Variants in DPF3 observed in about 807,000 individuals in gnomAD.
The protein encoded by DPF3 is double PHD fingers 3.
Under a neutral mutation model 56.8 loss-of-function variants are expected in DPF3, and 18 were observed. That is an observed-to-expected ratio of 0.32 (90% CI 0.22 to 0.47). DPF3 has a LOEUF of 0.47. Ranked by LOEUF, DPF3 falls within the 20% of genes least tolerant of loss-of-function variation. DPF3 has a pLI of 1.00. For synonymous variants in DPF3, 188 were observed against 180.2 expected, an observed-to-expected ratio of 1.04 and a Z score of -0.35; for missense variants, 403 against 488.8, an observed-to-expected ratio of 0.82 and a Z score of 1.65.
chr14:72,781,301 T>C (rs1488289555), intron 1 of DPF3, among the ~76,000 whole-genome samples: 1 of 152,152 alleles, frequency 6.6e-6, no homozygotes, highest in East Asian at 1.9e-4. Flanking sequence ...TCAAGGCAAA[T>C]GTATGAAGAT....
chr14:72,865,719 A>G (rs558722494), intron 1 of DPF3, among the ~76,000 whole-genome samples: 1 of 152,306 alleles, frequency 6.6e-6, no homozygotes, highest in East Asian at 1.9e-4. Context: ...GGTCTCATAT[A>G]TCGATGAAGC....
At chr14:72,782,329 T>C (rs1436974490) in intron 1 of DPF3, among the ~76,000 whole-genome samples, 2 of 151,402 alleles carry the variant, frequency 1.3e-5, no homozygotes, top group African/African-American at 4.9e-5. Flanking sequence ...ATTCAAGCAA[T>C]CCTCCCACCT....
rs541713424 is a variant in DPF3, at chr14:72,674,738, C to A, written c.743-370G>T. Among the ~76,000 whole-genome samples the A allele has an allele frequency of 5.9e-5, 9 of 152,354 alleles. No homozygotes were observed. In the East Asian group the frequency reaches 1.7e-3, roughly 29 times the overall value. On this transcript the variant is annotated intron_variant, in intron 7 of 10. Coordinates refer to ENST00000556509, the MANE Select transcript of DPF3 (RefSeq NM_001280542.3). ...CCAGGCCCCAGGCATCAGATGGAAA[C>A]CACACACCATGGTGTGAGGACAGGG...
intron 7 of DPF3, among the ~76,000 whole-genome samples, chr14:72,685,635 T>C (rs1385154355): frequency 6.6e-6 from 1 of 152,256 alleles, no homozygotes; most frequent in African/African-American, 2.4e-5. Context: ...GGTCTTTGTG[T>C]GCCTTGCTGT....
At chr14:72,850,472 A>G (rs1884936764) in intron 1 of DPF3, among the ~76,000 whole-genome samples, 1 of 152,216 alleles carries the variant, frequency 6.6e-6, no homozygotes. Context: ...CAGATCTCCA[A>G]GTGAGTTCAT....
intron 1 of DPF3, among the ~76,000 whole-genome samples, chr14:72,854,407 G>T (rs1469576757): frequency 6.6e-6 from 1 of 152,062 alleles, no homozygotes; most frequent in African/African-American, 2.4e-5. Context: ...TTCTCTTAAA[G>T]AATGAATTTT....
intron 7 of DPF3, among the ~76,000 whole-genome samples, chr14:72,678,593 T>A (rs1308986611): frequency 6.6e-6 from 1 of 152,202 alleles, no homozygotes; most frequent in Non-Finnish European, 1.5e-5. Context: ...GTATATGAGA[T>A]CATTATAAAA....
chr14:72,752,214 C>T (rs1339273898), intron 3 of DPF3, among the ~76,000 whole-genome samples: 1 of 152,188 alleles, frequency 6.6e-6, no homozygotes, highest in Non-Finnish European at 1.5e-5. Context: ...ACTTGCACCA[C>T]TGAACAGCAC....
chr14:72,737,672 CGAGTTTGCAA>C (rs1356068333), intron 3 of DPF3, among the ~76,000 whole-genome samples: 1 of 152,184 alleles, frequency 6.6e-6, no homozygotes, highest in Non-Finnish European at 1.5e-5. Flanking sequence ...TGTTAGCTGT[CGAGTTTGCAA>C]GAGATACCAT....
At chr14:72,737,698 G>A (rs1457215962) in intron 3 of DPF3, among the ~76,000 whole-genome samples, 6 of 152,156 alleles carry the variant, frequency 3.9e-5, no homozygotes, top group Admixed American at 2.6e-4. Context: ...ACCATCTTTC[G>A]GGAGGCAGTG....
At chr14:72,882,963 T>A (rs895277821) in intron 1 of DPF3, among the ~76,000 whole-genome samples, 14 of 152,074 alleles carry the variant, frequency 9.2e-5, no homozygotes, top group Non-Finnish European at 1.3e-4. Context: ...CTCCTCGATG[T>A]AGGGAGGGAG....
At chr14:72,849,169 G>A (rs1271576793) in intron 1 of DPF3, among the ~76,000 whole-genome samples, 1 of 152,150 alleles carries the variant, frequency 6.6e-6, no homozygotes, top group Non-Finnish European at 1.5e-5. Context: ...TTCTCTTCCT[G>A]TGTGACAAGC....
chr14:72,670,432 G>A lies in DPF3; in HGVS notation c.871+3808C>T, dbSNP rs547888631. 6.3e-5 allele frequency: 62 copies of A among 985,908 alleles called. No individual in the cohort carries two copies. The South Asian group carries it at 1.3e-3, about 21-fold the overall frequency. 61.1% of individuals were successfully genotyped at this position (985,908 alleles called of 1,614,324 possible). On this transcript the variant is annotated intron_variant, in intron 8 of 10. Coordinates refer to ENST00000556509, the MANE Select transcript of DPF3 (RefSeq NM_001280542.3). ...GAGGGAGGCCAGGCATAGGCACCCC[G>A]ACTTCTCTGGAACTACTGACATTTT...
intron 3 of DPF3, among the ~76,000 whole-genome samples, chr14:72,740,760 T>C (rs959540096): frequency 6.6e-6 from 1 of 152,206 alleles, no homozygotes; most frequent in Non-Finnish European, 1.5e-5. Flanking sequence ...AGAGGAGGCC[T>C]TCCCAGTTCA....
intron 3 of DPF3, among the ~76,000 whole-genome samples, chr14:72,749,926 C>T (rs1044441045): frequency 4.6e-5 from 7 of 151,956 alleles, no homozygotes; most frequent in Admixed American, 1.3e-4. Context: ...CCTCACTACG[C>T]TCACTATGCT....
chr14:72,885,082 C>T (rs1285568195), intron 1 of DPF3, among the ~76,000 whole-genome samples: 10 of 142,546 alleles, frequency 7.0e-5, no homozygotes, highest in African/African-American at 2.0e-4. Context: ...GCCGAGATCG[C>T]GACACTGCAC....
intron 2 of DPF3, among the ~76,000 whole-genome samples, chr14:72,761,269 C>T (rs778789653): frequency 4.6e-5 from 7 of 152,084 alleles, no homozygotes; most frequent in Non-Finnish European, 8.8e-5. Flanking sequence ...CAGCAAAACA[C>T]AATTCTTTTC....
chr14:72,879,732 C>A, intron 1 of DPF3: 1 of 1,465,400 alleles, frequency 6.8e-7, no homozygotes, highest in South Asian at 1.3e-5. Context: ...AGAGTCGTCT[C>A]TCTGGGCAGG....
At chr14:72,845,923 G>A (rs1187544073) in intron 1 of DPF3, among the ~76,000 whole-genome samples, 5 of 151,944 alleles carry the variant, frequency 3.3e-5, no homozygotes, top group African/African-American at 9.7e-5. Context: ...TGCAGCACCC[G>A]GCAGGGCGAT....
Sources: gnomAD v4.1 joint callset for allele counts (sites outside exome capture counted in the v4.1 genomes callset) on GRCh38, gnomAD v4.1.1 for gene constraint, MANE v1.5 for transcripts, NCBI Gene and HGNC (gene_info 2026-07-23, HGNC 2026-07-21) for gene names.